DPP9: variants seen among roughly 807,000 people sequenced by gnomAD.
DPP9 encodes the protein dipeptidyl peptidase IV-related protein-2.
DPP9 carries 50 observed loss-of-function variants against 110.7 expected under a neutral mutation model. That is an observed-to-expected ratio of 0.45 (90% CI 0.36 to 0.57). The LOEUF is 0.57. Among genes scored for constraint, DPP9 ranks in the 20% least tolerant of loss-of-function variants. The pLI is 0.00. For missense variants in DPP9, 1,022 were observed against 1,217.9 expected (o/e 0.84, Z 2.39); for synonymous variants, 561 against 514.4 (o/e 1.09, Z -1.23).
intron 10 of DPP9, 146 bp from the exon 11 acceptor site, chr19:4,697,797 T>C (rs2091927732): frequency 1.6e-6 from 1 of 644,962 alleles, no homozygotes; most frequent in African/African-American, 1.8e-5. Context: ...CGCAACCTTC[T>C]TTGGAAATGG....
chr19:4,695,664 C>CCCAGCCCTGA lies in DPP9; in HGVS notation c.1176-110_1176-109insTCAGGGCTGG. On this transcript the variant is annotated intron_variant, in intron 11 of 21. Transcript: ENST00000262960. This position sits in a 1 kb window ranked among gnomAD's most constrained non-coding sequence, Gnocchi z 4.7. ...AAACCCGTGTGGAATCAGGGCTGGGCTTCCTGCGCTGGCTTCACCTGCACT... is the reference window on the plus strand; with the variant it reads ...AAACCCGTGTGGAATCAGGGCTGGGCCCAGCCCTGATTCCTGCGCTGGCTTCACCTGCACT... The CCCAGCCCTGA allele has an allele frequency of 1.0e-6, 1 of 967,724 alleles. No individual in the cohort carries two copies. The highest frequency in any genetic ancestry group is 1.4e-6 in the Non-Finnish European group (1 of 698,470). The allele number at this position is 967,724 out of a possible 1,614,324, so 59.9% of individuals were successfully genotyped here. A position where few individuals can be genotyped will look rare whatever the true frequency, so the allele number is the denominator to read the frequency against.
intron 10 of DPP9, among the ~76,000 whole-genome samples, chr19:4,697,952 G>A (rs934889552): frequency 8.5e-5 from 13 of 152,146 alleles, no homozygotes; most frequent in African/African-American, 2.9e-4. Flanking sequence ...AGGAAGCAAC[G>A]GCCACCAAGA....
intron 3 of DPP9, among the ~76,000 whole-genome samples, chr19:4,719,036 C>T (rs2093201126): frequency 6.6e-6 from 1 of 152,014 alleles, no homozygotes; most frequent in South Asian, 2.1e-4. Context: ...CTGGGATCCT[C>T]CTCATTTTCA....
Position 4,687,466 on chromosome 19 carries a change from C to A in DPP9, c.1885+1291G>T, listed in dbSNP as rs1165798330. ...ACGCTGATGTGTGTGACGGAGCCAG[C>A]ACTGGAACCCGGAGTCACCAATGCA... On this transcript the variant is annotated intron_variant, in intron 16 of 21. Coordinates refer to ENST00000262960, the MANE Select transcript of DPP9 (RefSeq NM_139159.5). The surrounding 1 kb of genome is among the most constrained non-coding windows in gnomAD (Gnocchi z 4.7). Among the ~76,000 whole-genome samples, 1 of 152,214 alleles carries A rather than the reference C, an allele frequency of 6.6e-6. No individual in the cohort carries two copies. Among genetic ancestry groups the A allele is most frequent in the African/African-American group, 2.4e-5 (1 of 41,452 alleles).
chr19:4,702,205 C>A, intron 8 of DPP9, 50 bp from the exon 9 acceptor site: 1 of 1,569,620 alleles, frequency 6.4e-7, no homozygotes, highest in East Asian at 2.3e-5. Flanking sequence ...GGCAGAGTCC[C>A]TGCCATCAGC....
At position 4,694,555 on chromosome 19, in the gene DPP9, G is replaced by T; in HGVS notation, c.1516+106C>A. 1 of 1,396,068 alleles carries T rather than the reference G, an allele frequency of 7.2e-7. No homozygotes were observed. The highest frequency in any genetic ancestry group is 9.7e-7 in the Non-Finnish European group (1 of 1,028,890). 86.5% of individuals were successfully genotyped at this position (1,396,068 alleles called of 1,614,324 possible). On this transcript the variant is annotated intron_variant, in intron 13 of 21. Coordinates refer to ENST00000262960, the MANE Select transcript of DPP9 (RefSeq NM_139159.5). The surrounding 1 kb of genome is among the most constrained non-coding windows in gnomAD (Gnocchi z 4.0). ...CCTGCCGATCCCTGTTCCTTCTCCC[G>T]CAGGGTGTGCTGGCTGAGTGGGGGG... is the stretch of plus-strand genomic sequence containing the variant.
chr19:4,707,614 C>CTTT (rs906371157), intron 4 of DPP9, among the ~76,000 whole-genome samples: 3 of 78,432 alleles, frequency 3.8e-5, no homozygotes, highest in African/African-American at 1.8e-4. Flanking sequence ...CTCATACTCG[C>CTTT]TTTTTTTTTT....
At position 4,685,322 on chromosome 19, in the gene DPP9, G is replaced by A. The variant is rs1194287936; in HGVS notation, c.2031+304C>T. ...TCCAGGAATTGGGCCCAGGGCCCAT[G>A]GCCACCTCCATACCAACCTGGAGAC... On this transcript the variant is annotated intron_variant, in intron 17 of 21. Transcript: ENST00000262960. The surrounding 1 kb of genome is among the most constrained non-coding windows in gnomAD (Gnocchi z 5.8). 1 of 587,252 alleles carries A rather than the reference G, an allele frequency of 1.7e-6. No homozygotes were observed. Among genetic ancestry groups the A allele is most frequent in the South Asian group, 1.5e-5 (1 of 65,762 alleles). The allele number at this position is 587,252 out of a possible 1,614,324, so 36.4% of individuals were successfully genotyped here. A position where few individuals can be genotyped will look rare whatever the true frequency, so the allele number is the denominator to read the frequency against.
At chr19:4,712,757 T>G (rs1466319931) in intron 4 of DPP9, among the ~76,000 whole-genome samples, 3 of 152,186 alleles carry the variant, frequency 2.0e-5, no homozygotes, top group African/African-American at 7.2e-5. Context: ...TTAAATTCTT[T>G]GTTTGCCAGA....
In DPP9 at chr19:4,719,592, G is replaced by A. The variant is rs182464438; in HGVS notation, c.56+259C>T. The A allele has an allele frequency of 9.2e-6, 5 of 544,780 alleles. No individual in the cohort carries two copies. The South Asian group carries it at 1.1e-4, about 12-fold the overall frequency. 33.7% of individuals were successfully genotyped at this position (544,780 alleles called of 1,614,324 possible). On this transcript the variant is annotated intron_variant, in intron 3 of 21. Transcript: ENST00000262960. ...TGGCATGAAGTGGGTGGAGGCCAGGGACGCTGCTCAGCACCGTGAAGTGCC... is the reference window on the plus strand; with the variant it reads ...TGGCATGAAGTGGGTGGAGGCCAGGAACGCTGCTCAGCACCGTGAAGTGCC...
Position 4,676,364 on chromosome 19 carries a change from G to A in DPP9, c.*200C>T, listed in dbSNP as rs1346526435. On this transcript the variant is annotated 3_prime_UTR_variant, in exon 22 of 22. Transcript: ENST00000262960. This position sits in a 1 kb window ranked among gnomAD's most constrained non-coding sequence, Gnocchi z 4.0. ...TCTCTGTCTCGGCAACCAAGAAGCA[G>A]CGGACATAAAACCCAAGAGCGTTTA... The A allele has an allele frequency of 1.7e-6, 1 of 588,516 alleles. No homozygotes were observed. Among genetic ancestry groups the A allele is most frequent in the Non-Finnish European group, 3.0e-6 (1 of 328,202 alleles). 36.5% of individuals were successfully genotyped at this position (588,516 alleles called of 1,614,324 possible).
At chr19:4,702,548 G>T in intron 8 of DPP9, 55 bp downstream of exon 8, 1 of 1,354,972 alleles carries the variant, frequency 7.4e-7, no homozygotes, top group Non-Finnish European at 1.0e-6. Context: ...CACAGCCTGT[G>T]ATTCCAGGAG....
intron 21 of DPP9, among the ~76,000 whole-genome samples, chr19:4,677,694 C>T (rs750355185): frequency 3.3e-5 from 5 of 152,216 alleles, no homozygotes; most frequent in East Asian, 1.9e-4. Flanking sequence ...TTCCCCAGCC[C>T]GGGCAGTGGC....
At chr19:4,722,386 T>C (rs940477997) in intron 2 of DPP9, 113 bp downstream of exon 2, 6 of 635,882 alleles carry the variant, frequency 9.4e-6, no homozygotes, top group East Asian at 2.8e-5. Context: ...AGGACAACCA[T>C]CCAGGGCCAT....
rs535201202 is a variant in DPP9 at position 4,711,882 on chromosome 19, T to C, written c.313+2199A>G. Among the ~76,000 whole-genome samples, 230 of 150,934 alleles carry C rather than the reference T, an allele frequency of 1.5e-3. 1 individual carries two copies. Among genetic ancestry groups the C allele is most frequent in the Non-Finnish European group, 2.0e-3 (136 of 67,894 alleles). On this transcript the variant is annotated intron_variant, in intron 4 of 21. Transcript: ENST00000262960. ...GACCATCAGGCCAGAAGTTCCAACG[T>C]TGTGGCCACAAGCCAAGGGATGCTG...
In DPP9 at chr19:4,675,769, TTTTA is replaced by T. The variant is rs2088774076; in HGVS notation, c.*791_*794del. 3 of 152,314 alleles carry T rather than the reference TTTTA, an allele frequency of 2.0e-5. No individual in the cohort carries two copies. The highest frequency in any genetic ancestry group is 7.2e-5 in the African/African-American group (3 of 41,462). 9.4% of individuals were successfully genotyped at this position (152,314 alleles called of 1,614,324 possible). On this transcript the variant is annotated 3_prime_UTR_variant, in exon 22 of 22. Coordinates refer to ENST00000262960, the MANE Select transcript of DPP9 (RefSeq NM_139159.5). Reference sequence around the variant, plus strand: ...ATTTAGGCACCCCTTGCTTTCTGTCTTTTATTTTTTATTTATTTTGAGACAGAGT... The same window carrying T: ...ATTTAGGCACCCCTTGCTTTCTGTCTTTTTTTATTTATTTTGAGACAGAGT...
At chr19:4,679,692 G>C in intron 21 of DPP9, 143 bp downstream of exon 21, 1 of 654,722 alleles carries the variant, frequency 1.5e-6, no homozygotes, top group Non-Finnish European at 2.7e-6. Flanking sequence ...CGGGGACACA[G>C]GGCTGTGGGG....
chr19:4,678,108 CTTTT>C (rs903357408), intron 21 of DPP9, among the ~76,000 whole-genome samples: 6 of 151,824 alleles, frequency 4.0e-5, no homozygotes, highest in African/African-American at 7.3e-5. Flanking sequence ...TTTTTTCTTT[CTTTT>C]CTTTTTTTTT....
Position 4,704,038 on chromosome 19 carries a change from G to A in DPP9, c.617C>T (p.Pro206Leu), listed in dbSNP as rs779459195. The A allele has an allele frequency of 3.7e-6, 6 of 1,613,884 alleles. No individual in the cohort carries two copies. The highest frequency in any genetic ancestry group is 1.3e-5 in the African/African-American group (1 of 74,950). The change falls in exon 7 of 22, where the codon CCG (proline) becomes CTG (leucine). Residue 206 changes from proline to leucine, a missense_variant. Pro to Leu is a moderately conservative substitution (Grantham distance 98). Transcript: ENST00000262960. This position sits in a 1 kb window ranked among gnomAD's most constrained non-coding sequence, Gnocchi z 6.0. ...KNGFMVSPMK[P>L]LEIKTQCSGP... is the part of the protein sequence containing the mutation. ...TGAGCACTGGGTCTTGATTTCCAGC[G>A]GTTTCATAGGGGACACCTGAGGACA...
Sources: gnomAD v4.1 joint callset for allele counts (sites outside exome capture counted in the v4.1 genomes callset) on GRCh38, gnomAD v4.1.1 for gene constraint, Gnocchi (gnomAD v3.1) non-coding constraint, MANE v1.5 for transcripts, NCBI Gene and HGNC (gene_info 2026-07-23, HGNC 2026-07-21) for gene names.